LRP2: variants seen among roughly 807,000 people sequenced by gnomAD.
LRP2 encodes LDL receptor related protein 2, also known as low-density lipoprotein receptor-related protein 2.
Under a neutral mutation model 531.0 loss-of-function variants are expected in LRP2, and 172 were observed. That is an observed-to-expected ratio of 0.32 (90% CI 0.29 to 0.37). The LOEUF is 0.37. LRP2 is among the 10% of genes least tolerant of loss of function. The pLI is 1.00. For missense variants in LRP2, 5,167 were observed against 5,868.3 expected (o/e 0.88, Z 3.90); for synonymous variants, 1,992 against 2,027.6 (o/e 0.98, Z 0.47).
At position 169,187,965 on chromosome 2, in the gene LRP2, C is replaced by T; in HGVS notation, c.9328+5G>A. 6.2e-7 allele frequency: 1 copy of T among 1,614,022 alleles called. No individual in the cohort carries two copies. The highest frequency in any genetic ancestry group is 8.5e-7 in the Non-Finnish European group (1 of 1,179,920). On this transcript the variant is annotated splice_donor_5th_base_variant and intron_variant, in intron 49 of 78. Coordinates refer to ENST00000649046, the MANE Select transcript of LRP2 (RefSeq NM_004525.3). ...TCCTTTTCCCAAATCCTCTGTTGTA[C>T]TCACCACAGCCTTTCTCATCGCTGT...
chr2:169,196,814 C>T, intron 46 of LRP2, 97 bp downstream of exon 46: 2 of 1,542,532 alleles, frequency 1.3e-6, no homozygotes, highest in Middle Eastern at 1.7e-4. Flanking sequence ...TCCAAGCATT[C>T]AGCAGCCATG....
At chr2:169,189,705 G>A (rs770230938) in intron 48 of LRP2, among the ~76,000 whole-genome samples, 8 of 152,140 alleles carry the variant, frequency 5.3e-5, no homozygotes, top group Non-Finnish European at 1.2e-4. Context: ...AAGCAAGCAA[G>A]GAGATGCACA....
At chr2:169,359,581 G>T (rs1299499330) in intron 1 of LRP2, among the ~76,000 whole-genome samples, 1 of 152,106 alleles carries the variant, frequency 6.6e-6, no homozygotes, top group Non-Finnish European at 1.5e-5. Flanking sequence ...ATTACAACAG[G>T]ATTCTAGAAA....
At chr2:169,142,637 T>C (rs756044502) in intron 71 of LRP2, 37 bp downstream of exon 71, 30 of 1,611,742 alleles carry the variant, frequency 1.9e-5, no homozygotes, top group Non-Finnish European at 2.4e-5. Context: ...AGAGGAGTGC[T>C]CCCAGGCCCC....
Position 169,292,377 on chromosome 2 carries a change from A to G in LRP2, c.653-8T>C. 1 of 1,563,578 alleles carries G rather than the reference A, an allele frequency of 6.4e-7. No individual in the cohort carries two copies. Among genetic ancestry groups the G allele is most frequent in the South Asian group, 1.1e-5 (1 of 90,082 alleles). The stretch of plus-strand genomic sequence containing the variant: ...CACCGCAGGTCGGATAGTCTGGAAT[A>G]AAGCAACAGCTGCACTCCAAAGACA... On this transcript the variant is annotated splice_region_variant and splice_polypyrimidine_tract_variant and intron_variant, in intron 6 of 78. Coordinates refer to ENST00000649046, the MANE Select transcript of LRP2 (RefSeq NM_004525.3).
At chr2:169,314,990 C>T (rs556194866) in intron 3 of LRP2, among the ~76,000 whole-genome samples, 1 of 152,286 alleles carries the variant, frequency 6.6e-6, no homozygotes, top group South Asian at 2.1e-4. Flanking sequence ...TATCAGTGCT[C>T]GTTCAATTAC....
chr2:169,278,745 C>T (rs1429251078), intron 12 of LRP2, among the ~76,000 whole-genome samples: 1 of 152,172 alleles, frequency 6.6e-6, no homozygotes, highest in Non-Finnish European at 1.5e-5. Context: ...TCCAAGGGTC[C>T]TAAGACCCAA....
At chr2:169,328,065 G>GGGA (rs1281991075) in intron 1 of LRP2, among the ~76,000 whole-genome samples, 1 of 141,730 alleles carries the variant, frequency 7.1e-6, no homozygotes, top group Admixed American at 6.8e-5. Flanking sequence ...GGAGGGAGGT[G>GGGA]GGGTCAGCCC....
At chr2:169,336,564 ACG>A (rs1553515797) in intron 1 of LRP2, among the ~76,000 whole-genome samples, 1 of 150,234 alleles carries the variant, frequency 6.7e-6, no homozygotes, top group African/African-American at 2.5e-5. Flanking sequence ...ACACACACAC[ACG>A]CACAGAGGAA....
chr2:169,256,355 A>G, intron 18 of LRP2, 119 bp from the exon 19 acceptor site: 2 of 685,768 alleles, frequency 2.9e-6, no homozygotes, highest in Middle Eastern at 4.4e-4. Flanking sequence ...AGTTTTTAAA[A>G]TTTAAATTAT....
At chr2:169,172,950 G>C in intron 57 of LRP2, 146 bp downstream of exon 57, 1 of 1,049,826 alleles carries the variant, frequency 9.5e-7, no homozygotes, top group Non-Finnish European at 1.4e-6. Flanking sequence ...AATGTAACAT[G>C]TTATTAGAAG....
intron 56 of LRP2, 41 bp downstream of exon 56, chr2:169,173,878 C>G: frequency 6.2e-7 from 1 of 1,613,052 alleles, no homozygotes; most frequent in Non-Finnish European, 8.5e-7. Context: ...CCTCGTGTCT[C>G]CCTGCTCTGG....
intron 1 of LRP2, among the ~76,000 whole-genome samples, chr2:169,351,437 A>G (rs1685845362): frequency 2.0e-5 from 3 of 152,168 alleles, no homozygotes. Context: ...GTGAGAGGGA[A>G]TGAGATCTAG....
intron 19 of LRP2, among the ~76,000 whole-genome samples, chr2:169,251,186 C>A (rs1344136393): frequency 4.4e-5 from 1 of 22,632 alleles, no homozygotes; most frequent in African/African-American, 2.9e-4. Flanking sequence ...ACAGAATATA[C>A]ATTTTTTTCA....
intron 4 of LRP2, among the ~76,000 whole-genome samples, chr2:169,307,013 T>A (rs903450268): frequency 7.9e-5 from 12 of 152,206 alleles, no homozygotes; most frequent in Admixed American, 2.6e-4. Flanking sequence ...ATCCTTCCTT[T>A]CAGAATCTAT....
At chr2:169,270,019 T>C (rs1683360028) in intron 16 of LRP2, among the ~76,000 whole-genome samples, 3 of 152,176 alleles carry the variant, frequency 2.0e-5, no homozygotes, top group Admixed American at 2.0e-4. Context: ...TCATCATCAC[T>C]AGCCATCAGA....
chr2:169,187,263 A>G (rs750686079), intron 49 of LRP2, among the ~76,000 whole-genome samples: 1 of 152,190 alleles, frequency 6.6e-6, no homozygotes, highest in Non-Finnish European at 1.5e-5. Flanking sequence ...TATAAATCTT[A>G]TCTTTCATAT....
At position 169,207,012 on chromosome 2, in the gene LRP2, T is replaced by A. The variant is rs150170081; in HGVS notation, c.6708A>T (p.Pro2236=). The change falls in exon 39 of 79, where the codon CCA becomes CCT. Residue 2236 remains proline (P), a synonymous_variant. Transcript: ENST00000649046. ...CACTTCGGTCCACTGCCAAGCCCCG[T>A]GGTGTGACAATGCCCTCTGACACAA... ...TVLVSEGIVT[P]RGLAVDRSDG... The A allele has an allele frequency of 2.8e-5, 46 of 1,614,166 alleles. 1 individual carries two copies. In the African/African-American group the frequency reaches 6.1e-4, roughly 22 times the overall value.
chr2:169,338,412 A>AAAGAAAGAAAGAAAG (rs1491129145), intron 1 of LRP2, among the ~76,000 whole-genome samples: 1 of 131,356 alleles, frequency 7.6e-6, no homozygotes, highest in Non-Finnish European at 1.7e-5. Flanking sequence ...AAGAAAGAAA[A>AAAGAAAGAAAGAAAG]GAAAAGAAAA....
Sources: allele counts gnomAD v4.1 joint callset (sites outside exome capture counted in the v4.1 genomes callset), GRCh38; gene constraint gnomAD v4.1.1; transcripts MANE v1.5; gene names NCBI Gene and HGNC (gene_info 2026-07-23, HGNC 2026-07-21).